SPPL3: variants seen among roughly 807,000 people sequenced by gnomAD.
The protein encoded by SPPL3 is signal peptide peptidase like 3, also known as signal peptide peptidase-like 3.
A neutral mutation model predicts 42.4 loss-of-function variants in SPPL3; 5 were observed. That is an observed-to-expected ratio of 0.12 (90% CI 0.06 to 0.25). The LOEUF (loss-of-function observed/expected upper bound fraction) is 0.25, where lower values mean the gene tolerates loss of function less well. Ranked by LOEUF, SPPL3 falls within the 10% of genes least tolerant of loss-of-function variation. The probability of loss-of-function intolerance (pLI) is 1.00; values close to 1 mark genes in which losing one functional copy is unlikely to be tolerated. For synonymous variants in SPPL3, 195 were observed against 181.8 expected (o/e 1.07, Z -0.58); for missense variants, 235 against 489.0 (o/e 0.48, Z 4.90).
chr12:120,801,709 A>AGAT (rs1049725802), intron 2 of SPPL3, among the ~76,000 whole-genome samples: 9 of 152,236 alleles, frequency 5.9e-5, no homozygotes, highest in African/African-American at 1.9e-4. Context: ...TATCATTTTT[A>AGAT]GATAAGCTGC....
chr12:120,789,590 C>T (rs1401036212), intron 3 of SPPL3, among the ~76,000 whole-genome samples: 1 of 151,700 alleles, frequency 6.6e-6, no homozygotes, highest in Non-Finnish European at 1.5e-5. Context: ...TTTGGAAGGC[C>T]GAAGTGGATG....
chr12:120,778,422 A>G (rs1869412956), intron 6 of SPPL3, among the ~76,000 whole-genome samples: 2 of 152,040 alleles, frequency 1.3e-5, no homozygotes, highest in East Asian at 1.9e-4. Flanking sequence ...CGGCCTGAAC[A>G]GTAAAATTGA....
At chr12:120,795,364 A>G (rs1369720945) in intron 2 of SPPL3, among the ~76,000 whole-genome samples, 1 of 152,232 alleles carries the variant, frequency 6.6e-6, no homozygotes, top group African/African-American at 2.4e-5. Flanking sequence ...TACCATTTTC[A>G]TTCTGCTCAA....
chr12:120,822,097 A>G (rs1871090273), intron 1 of SPPL3, among the ~76,000 whole-genome samples: 1 of 152,208 alleles, frequency 6.6e-6, no homozygotes, highest in Non-Finnish European at 1.5e-5. Context: ...CTGGAGAGAA[A>G]GGGAATGGGG....
Position 120,780,515 on chromosome 12 carries a change from G to A in SPPL3, c.502+2140C>T, listed in dbSNP as rs574258740. 4.0e-5 allele frequency among the ~76,000 whole-genome samples: 6 copies of A among 150,410 alleles called. No homozygotes were observed. In the East Asian group the frequency reaches 6.0e-4, roughly 15 times the overall value. On this transcript the variant is annotated intron_variant, in intron 6 of 10. Transcript: ENST00000353487. ...TCATGCCTGTGCACTTTGGGAGGCC[G>A]AGGCGGGAGGATCGCCTGGGTCCAG...
At chr12:120,875,784 C>A (rs921812406) in intron 1 of SPPL3, among the ~76,000 whole-genome samples, 1 of 151,950 alleles carries the variant, frequency 6.6e-6, no homozygotes, top group Non-Finnish European at 1.5e-5. Flanking sequence ...GTAAATGATA[C>A]ACCTAGTCTA....
At chr12:120,852,409 GCA>G (rs998585430) in intron 1 of SPPL3, among the ~76,000 whole-genome samples, 39 of 36,018 alleles carry the variant, frequency 1.1e-3, no homozygotes, top group South Asian at 4.6e-3. Flanking sequence ...TGAAATATAT[GCA>G]TATATAATAT....
intron 1 of SPPL3, among the ~76,000 whole-genome samples, chr12:120,880,644 G>A (rs897546973): frequency 6.6e-6 from 1 of 151,868 alleles, no homozygotes; most frequent in East Asian, 1.9e-4. Context: ...AAAATTAGCT[G>A]AGCATGGTGG....
At chr12:120,868,817 A>G (rs906751866) in intron 1 of SPPL3, among the ~76,000 whole-genome samples, 1 of 152,162 alleles carries the variant, frequency 6.6e-6, no homozygotes, top group African/African-American at 2.4e-5. Context: ...CAATAAAATA[A>G]TATTTTCATA....
At chr12:120,780,853 C>G (rs143223978) in intron 6 of SPPL3, among the ~76,000 whole-genome samples, 1 of 151,498 alleles carries the variant, frequency 6.6e-6, no homozygotes, top group Non-Finnish European at 1.5e-5. Flanking sequence ...AAGGCTGCAG[C>G]GAGCCAAGAT....
intron 1 of SPPL3, among the ~76,000 whole-genome samples, chr12:120,891,205 C>A (rs1873629666): frequency 6.6e-6 from 1 of 152,166 alleles, no homozygotes; most frequent in Admixed American, 6.6e-5. Context: ...GGTTTTATAA[C>A]CTTTGCTACC....
At chr12:120,769,352 C>T (rs1869030523) in intron 6 of SPPL3, 2 of 284,806 alleles carry the variant, frequency 7.0e-6, no homozygotes, top group Non-Finnish European at 6.8e-6. Context: ...GCCTTCCCTC[C>T]AATGTTGTGG....
intron 1 of SPPL3, among the ~76,000 whole-genome samples, chr12:120,816,649 C>A (rs1321433916): frequency 1.3e-5 from 2 of 152,156 alleles, no homozygotes; most frequent in East Asian, 1.9e-4. Flanking sequence ...GCAGCCAGGA[C>A]TGCAGGTGTG....
chr12:120,801,227 C>G (rs1270571116), intron 2 of SPPL3, among the ~76,000 whole-genome samples: 1 of 152,200 alleles, frequency 6.6e-6, no homozygotes, highest in African/African-American at 2.4e-5. Flanking sequence ...TCCATCTATT[C>G]TCTCTCAGGG....
At chr12:120,768,816 A>T in intron 7 of SPPL3, 137 bp downstream of exon 7, 1 of 721,762 alleles carries the variant, frequency 1.4e-6, no homozygotes, top group Non-Finnish European at 2.3e-6. Flanking sequence ...CACCCATGAT[A>T]CAGTTAAGGA....
At chr12:120,831,620 T>C (rs1046122773) in intron 1 of SPPL3, among the ~76,000 whole-genome samples, 1 of 152,212 alleles carries the variant, frequency 6.6e-6, no homozygotes, top group Non-Finnish European at 1.5e-5. Context: ...CTTCCTACTG[T>C]GGAGTTTATC....
At chr12:120,827,400 G>A (rs185214565) in intron 1 of SPPL3, among the ~76,000 whole-genome samples, 6 of 150,522 alleles carry the variant, frequency 4.0e-5, no homozygotes, top group African/African-American at 1.5e-4. Context: ...AATACTTTGG[G>A]GGCTCTTACT....
intron 1 of SPPL3, among the ~76,000 whole-genome samples, chr12:120,819,876 G>A (rs1443720530): frequency 6.6e-6 from 1 of 152,178 alleles, no homozygotes; most frequent in Non-Finnish European, 1.5e-5. Context: ...TACCAGGACC[G>A]CCTGGTGCCA....
At chr12:120,766,404 G>A (rs1487151583) in intron 9 of SPPL3, 32 bp from the exon 10 acceptor site, 5 of 1,523,048 alleles carry the variant, frequency 3.3e-6, no homozygotes, top group African/African-American at 1.5e-5. Context: ...TGTGAGACAC[G>A]AGAGGGAACC....
Sources: gnomAD v4.1 joint callset for allele counts (sites outside exome capture counted in the v4.1 genomes callset) on GRCh38, gnomAD v4.1.1 for gene constraint, MANE v1.5 for transcripts, NCBI Gene and HGNC (gene_info 2026-07-23, HGNC 2026-07-21) for gene names.